Variants in ADGRD1 observed in about 807,000 individuals in gnomAD.
The protein encoded by ADGRD1 is adhesion G protein-coupled receptor D1.
In ADGRD1, 77 loss-of-function variants were observed where a neutral mutation model predicts 113.4. The ratio of observed to expected loss-of-function variants is 0.68; its 90% CI spans 0.57 to 0.82. ADGRD1 has a LOEUF of 0.82. ADGRD1 is among the 40% of genes least tolerant of loss of function. ADGRD1 has a pLI of 0.00. For synonymous variants in ADGRD1, 474 were observed against 475.0 expected (o/e 1.00, Z 0.03); for missense variants, 1,036 against 1,139.1 (o/e 0.91, Z 1.30).
intron 13 of ADGRD1, among the ~76,000 whole-genome samples, chr12:131,017,097 G>A (rs1198497614): frequency 6.6e-6 from 1 of 152,056 alleles, no homozygotes; most frequent in African/African-American, 2.4e-5. Flanking sequence ...GGAGGGCACG[G>A]GCAGAGAGGG....
intron 7 of ADGRD1, 125 bp from the exon 8 acceptor site, chr12:130,992,112 C>T (rs1209167888): frequency 3.0e-6 from 2 of 670,204 alleles, no homozygotes; most frequent in African/African-American, 2.3e-5. Context: ...CAGAGCAAGA[C>T]TCAGTCTCAA....
chr12:131,094,361 C>G (rs1315350425), intron 15 of ADGRD1, among the ~76,000 whole-genome samples: 1 of 152,172 alleles, frequency 6.6e-6, no homozygotes, highest in Non-Finnish European at 1.5e-5. Context: ...GGCCACAAGT[C>G]TCCTTCCATT....
intron 13 of ADGRD1, among the ~76,000 whole-genome samples, chr12:131,059,079 T>C (rs1052747679): frequency 1.3e-5 from 2 of 152,160 alleles, no homozygotes; most frequent in Admixed American, 1.3e-4. Flanking sequence ...TCTGATTGGG[T>C]AATTTATGTT....
At chr12:131,138,351 C>A (rs1398035211) in intron 24 of ADGRD1, 122 bp downstream of exon 24, 5 of 737,638 alleles carry the variant, frequency 6.8e-6, no homozygotes, top group Non-Finnish European at 1.2e-5. Flanking sequence ...TCTTTGTCCC[C>A]CTCTCATGCC....
chr12:131,071,703 G>A (rs987435316), intron 13 of ADGRD1, among the ~76,000 whole-genome samples: 1 of 152,344 alleles, frequency 6.6e-6, no homozygotes, highest in Middle Eastern at 3.4e-3. Context: ...CGAGGAAGGA[G>A]AGAGTGGAGA....
Position 131,003,385 on chromosome 12 carries a change from T to C in ADGRD1, c.1144+83T>C. 2 of 938,630 alleles carry C rather than the reference T, an allele frequency of 2.1e-6. No homozygotes were observed. The highest frequency in any genetic ancestry group is 3.5e-6 in the Non-Finnish European group (2 of 579,362). The allele number at this position is 938,630 out of a possible 1,614,324, so 58.1% of individuals were successfully genotyped here. On this transcript the variant is annotated intron_variant, in intron 10 of 24. Transcript: ENST00000261654. The surrounding 1 kb of genome is among the most constrained non-coding windows in gnomAD (Gnocchi z 4.8). ...TTCACTGCCTGTCTTTTTACACCCT[T>C]AGCAGAGAGCCATGCTCTGTCTCCC...
chr12:131,007,660 C>T (rs757951418), intron 12 of ADGRD1, among the ~76,000 whole-genome samples: 2 of 152,224 alleles, frequency 1.3e-5, no homozygotes, highest in Non-Finnish European at 2.9e-5. Context: ...CCCTGCAAAC[C>T]GAGGGCCTGG....
chr12:131,045,076 C>T (rs1027227766), intron 13 of ADGRD1, among the ~76,000 whole-genome samples: 1 of 152,254 alleles, frequency 6.6e-6, no homozygotes, highest in Non-Finnish European at 1.5e-5. Context: ...GCGCCAGGAG[C>T]GGATCCGAAT....
intron 14 of ADGRD1, among the ~76,000 whole-genome samples, chr12:131,078,085 T>G (rs921855515): frequency 6.6e-6 from 1 of 152,018 alleles, no homozygotes; most frequent in African/African-American, 2.4e-5. Flanking sequence ...AGCTCCCTCC[T>G]CCTGCTGCTT....
chr12:131,045,474 G>C (rs1882595446), intron 13 of ADGRD1, among the ~76,000 whole-genome samples: 1 of 151,706 alleles, frequency 6.6e-6, no homozygotes, highest in African/African-American at 2.4e-5. Flanking sequence ...GCGCACGCCC[G>C]GGAGCTGCGG....
chr12:130,996,162 C>T (rs1176474994), intron 8 of ADGRD1, among the ~76,000 whole-genome samples: 1 of 150,470 alleles, frequency 6.6e-6, no homozygotes, highest in Middle Eastern at 3.4e-3. Context: ...AATGAAAAGT[C>T]TCCCATGTCT....
intron 13 of ADGRD1, among the ~76,000 whole-genome samples, chr12:131,030,127 CGGTG>C (rs1880514425): frequency 3.1e-5 from 4 of 129,256 alleles, no homozygotes; most frequent in Non-Finnish European, 6.3e-5. Context: ...ACCCTTCATA[CGGTG>C]ACATTCCCAG....
In ADGRD1 at chr12:130,984,870, C is replaced by T. The variant is rs941469315; in HGVS notation, c.491-2225C>T. ...CATCCTCCCTTGCTCCCTTCCTTTC[C>T]TTCTTTCCTTCCTTCTTTCTTCTCT... On this transcript the variant is annotated intron_variant, in intron 5 of 24. Coordinates refer to ENST00000261654, the MANE Select transcript of ADGRD1 (RefSeq NM_198827.5). This position sits in a 1 kb window ranked among gnomAD's most constrained non-coding sequence, Gnocchi z 4.1. 2.1e-5 allele frequency among the ~76,000 whole-genome samples: 3 copies of T among 146,262 alleles called. No homozygotes were observed. Among genetic ancestry groups the T allele is most frequent in the Admixed American group, 1.4e-4 (2 of 14,184 alleles).
intron 13 of ADGRD1, among the ~76,000 whole-genome samples, chr12:131,066,546 C>G (rs1032627586): frequency 9.2e-5 from 14 of 152,234 alleles, no homozygotes; most frequent in African/African-American, 3.4e-4. Flanking sequence ...CCCTGCATGC[C>G]TGCCCCCGTT....
In ADGRD1 at chr12:131,046,196, C is replaced by T. The variant is rs1157692496; in HGVS notation, c.1474-30605C>T. ...TCCTGGTCAATGCTCCCTCCCTGGT[C>T]AGTGCTCCCTCCCTGGTCAGTGTCC... On this transcript the variant is annotated intron_variant, in intron 13 of 24. Transcript: ENST00000261654. 5.5e-5 allele frequency among the ~76,000 whole-genome samples: 7 copies of T among 128,042 alleles called. 1 individual carries two copies. The highest frequency in any genetic ancestry group is 2.3e-4 in the Admixed American group (3 of 13,132). 84.0% of individuals were successfully genotyped at this position (128,042 alleles called of 152,430 possible). A position where few individuals can be genotyped will look rare whatever the true frequency, so the allele number is the denominator to read the frequency against.
At chr12:130,962,517 C>A (rs766975260) in intron 2 of ADGRD1, 2 of 152,076 alleles carry the variant, frequency 1.3e-5, no homozygotes, top group East Asian at 3.8e-4. Context: ...AATAACAAGT[C>A]AATGAGGTTT....
Position 131,071,833 on chromosome 12 carries a change from C to T in ADGRD1, c.1474-4968C>T, listed in dbSNP as rs532591277. 7.9e-5 allele frequency among the ~76,000 whole-genome samples: 12 copies of T among 151,802 alleles called. No homozygotes were observed. The East Asian group carries it at 9.7e-4, about 12-fold the overall frequency. On this transcript the variant is annotated intron_variant, in intron 13 of 24. Coordinates refer to ENST00000261654, the MANE Select transcript of ADGRD1 (RefSeq NM_198827.5). Reference sequence around the variant, plus strand: ...CCGGCTTCTGGTGGCTTCTGGTCCACGCTGTACCCTCCTCTGTGGGCTCCG... The same window carrying T: ...CCGGCTTCTGGTGGCTTCTGGTCCATGCTGTACCCTCCTCTGTGGGCTCCG...
intron 21 of ADGRD1, 64 bp downstream of exon 21, chr12:131,131,880 T>C: frequency 9.2e-7 from 1 of 1,083,426 alleles, no homozygotes; most frequent in Admixed American, 1.7e-5. Context: ...TGCTTTGAGG[T>C]CACAGGAGAG....
Position 131,033,071 on chromosome 12 carries a change from C to T in ADGRD1, c.1473+18731C>T, listed in dbSNP as rs959435123. 3.9e-5 allele frequency among the ~76,000 whole-genome samples: 6 copies of T among 152,358 alleles called. No individual in the cohort carries two copies. In the South Asian group the frequency reaches 6.2e-4, roughly 16 times the overall value. ...TCCTCCCGAGCTAAATGGCGCGCGA[C>T]GAGCCCCGCCCTGCCCTCCAGGACA... is the stretch of plus-strand genomic sequence containing the variant. On this transcript the variant is annotated intron_variant, in intron 13 of 24. Transcript: ENST00000261654.
Sources: allele counts gnomAD v4.1 joint callset (sites outside exome capture counted in the v4.1 genomes callset), GRCh38; gene constraint gnomAD v4.1.1; non-coding constraint Gnocchi (gnomAD v3.1); transcripts MANE v1.5; gene names NCBI Gene and HGNC (gene_info 2026-07-23, HGNC 2026-07-21).